POLE: variants seen among roughly 807,000 people sequenced by gnomAD.
The protein encoded by POLE is DNA polymerase epsilon catalytic subunit A.
A neutral mutation model predicts 279.2 loss-of-function variants in POLE; 188 were observed. That is an observed-to-expected ratio of 0.67 (90% CI 0.60 to 0.76). The LOEUF is 0.76. POLE is among the 30% of genes least tolerant of loss of function. The pLI is 0.00. For synonymous variants in POLE, 1,214 were observed against 1,172.5 expected (o/e 1.04, Z -0.72); for missense variants, 2,703 against 3,016.7 (o/e 0.90, Z 2.44).
chr12:132,627,287 A>G (rs976546025), intron 45 of POLE, among the ~76,000 whole-genome samples: 6 of 152,096 alleles, frequency 3.9e-5, no homozygotes, highest in Non-Finnish European at 5.9e-5. Flanking sequence ...ATCTCAAAAA[A>G]AAAAAAAGCT....
rs1338173513 is a variant in POLE at position 132,643,957 on chromosome 12, G to A, written c.4170C>T (p.Arg1390=). The A allele has an allele frequency of 6.2e-7, 1 of 1,613,500 alleles. No homozygotes were observed. Among genetic ancestry groups the A allele is most frequent in the African/African-American group, 1.3e-5 (1 of 74,914 alleles). ...CATAGAGATTGTAGACCATGTTGGA[G>A]CGAGGAAGGACCCGATTTACCTGGC... is the stretch of plus-strand genomic sequence containing the variant. ...SYRKVNRVLP[R]SNMVYNLYEY... Residue 1390 remains arginine (R), a synonymous_variant, in exon 33 of 49, where the codon CGC becomes CGT. Transcript: ENST00000320574.
rs1262321199 is a variant in POLE, at chr12:132,632,366, G to A, written c.6279C>T (p.Ser2093=). The change falls in exon 45 of 49, where the codon TCC becomes TCT. Residue 2093 remains serine, a synonymous_variant. Transcript: ENST00000320574. ...GGGCAGGGTTATTGAGCAGCAAGTG[G>A]GAACCGGGGAGGACAGGAAACATCT... ...LSEMFPVLPG[S]HLLLNNPALE... 1 of 1,614,184 alleles carries A rather than the reference G, an allele frequency of 6.2e-7. No individual in the cohort carries two copies. Among genetic ancestry groups the A allele is most frequent in the Admixed American group, 1.7e-5 (1 of 60,032 alleles).
intron 45 of POLE, among the ~76,000 whole-genome samples, chr12:132,630,639 T>A (rs1052351932): frequency 1.8e-4 from 27 of 152,100 alleles, no homozygotes; most frequent in African/African-American, 6.5e-4. Context: ...TAATCCCAGC[T>A]AACCAGGAGG....
At chr12:132,637,475 T>TA (rs1227311058) in intron 41 of POLE, among the ~76,000 whole-genome samples, 4 of 152,228 alleles carry the variant, frequency 2.6e-5, no homozygotes, top group Non-Finnish European at 2.9e-5. Context: ...CTTTGTCTTC[T>TA]ATTTAGATTT....
chr12:132,635,753 G>C, intron 42 of POLE, 139 bp downstream of exon 42: 1 of 796,748 alleles, frequency 1.3e-6, no homozygotes, highest in Non-Finnish European at 2.0e-6. Context: ...GTCCCTCCCC[G>C]TGTTCATGAG....
chr12:132,679,031 T>C (rs1161931102), intron 6 of POLE, among the ~76,000 whole-genome samples: 1 of 152,190 alleles, frequency 6.6e-6, no homozygotes, highest in African/African-American at 2.4e-5. Context: ...TTACTCAAGA[T>C]TTTCTCTTCC....
intron 29 of POLE, among the ~76,000 whole-genome samples, chr12:132,654,332 C>T (rs1201359833): frequency 6.6e-6 from 1 of 152,084 alleles, no homozygotes; most frequent in Non-Finnish European, 1.5e-5. Flanking sequence ...CTCTGCCTCC[C>T]TGAGAGCTGG....
At chr12:132,671,753 G>A (rs1205062460) in intron 16 of POLE, among the ~76,000 whole-genome samples, 3 of 149,352 alleles carry the variant, frequency 2.0e-5, no homozygotes, top group Non-Finnish European at 3.0e-5. Flanking sequence ...AAGAACTGGT[G>A]TCTCCCTCTC....
chr12:132,681,811 G>C (rs541097500), intron 1 of POLE, among the ~76,000 whole-genome samples: 32 of 152,304 alleles, frequency 2.1e-4, no homozygotes, highest in South Asian at 6.2e-4. Context: ...TGCCTCTTGG[G>C]ACACTAAAAA....
chr12:132,634,321 CCTCATCGTCCTCATTTTCCTG>C lies in POLE; in HGVS notation c.5848_5868del (p.Gln1950_Glu1956del), dbSNP rs1302016488. On this transcript the variant is annotated inframe_deletion, in exon 43 of 49. Transcript: ENST00000320574. The surrounding 1 kb of genome is among the most constrained non-coding windows in gnomAD (Gnocchi z 4.0). ...TCCTCCTCCTCCCCATCTCTTTCCT[CCTCATCGTCCTCATTTTCCTG>C]CTCATCCTCTGCTCCCCCTGCTTTC... 6.2e-7 allele frequency: 1 copy of C among 1,614,174 alleles called. No homozygotes were observed. The highest frequency in any genetic ancestry group is 8.5e-7 in the Non-Finnish European group (1 of 1,179,998).
rs1181787446 is a variant in POLE, at chr12:132,672,712, A to G, written c.1601T>C (p.Leu534Pro). The change falls in exon 15 of 49, where the codon CTG becomes CCG. Residue 534 changes from leucine (L) to proline (P), a missense_variant. Coordinates refer to ENST00000320574, the MANE Select transcript of POLE (RefSeq NM_006231.4). ...GCCCCCGACGTAGGTCTCAGAGTCCAGCACGTGTCCGTCGTCCGTCAGCTT... is the reference window on the plus strand; with the variant it reads ...GCCCCCGACGTAGGTCTCAGAGTCCGGCACGTGTCCGTCGTCCGTCAGCTT... ...FNKLTDDGHV[L>P]DSETYVGGHV... The G allele has an allele frequency of 6.2e-7, 1 of 1,614,192 alleles. No homozygotes were observed. Among genetic ancestry groups the G allele is most frequent in the Non-Finnish European group, 8.5e-7 (1 of 1,180,038 alleles).
intron 29 of POLE, among the ~76,000 whole-genome samples, chr12:132,656,240 C>T (rs112914615): frequency 0.022 from 3,319 of 152,240 alleles, 119 homozygotes; most frequent in African/African-American, 0.076. Context: ...TGCATTGTGC[C>T]ACTGCACTCC....
intron 25 of POLE, 135 bp downstream of exon 25, chr12:132,660,834 G>GT: frequency 1.6e-6 from 1 of 606,618 alleles, no homozygotes; most frequent in Non-Finnish European, 2.8e-6. Context: ...TGCTCAGGAG[G>GT]TCTTGGGATT....
chr12:132,635,575 GTCCA>G (rs1266281248), intron 42 of POLE, among the ~76,000 whole-genome samples: 1 of 152,246 alleles, frequency 6.6e-6, no homozygotes, highest in Non-Finnish European at 1.5e-5. Context: ...CCTCCCTGGT[GTCCA>G]TCCGCTGGAG....
Position 132,675,723 on chromosome 12 carries a change from A to T in POLE, c.1106+12T>A, listed in dbSNP as rs781673811. On this transcript the variant is annotated intron_variant, in intron 11 of 48. Transcript: ENST00000320574. This position sits in a 1 kb window ranked among gnomAD's most constrained non-coding sequence, Gnocchi z 4.3. Reference sequence around the variant, plus strand: ...TGCTGCCCAGTTACTCATAGAGAAGACACAGACTCACCAGTCAAAAAAGTC... The same window carrying T: ...TGCTGCCCAGTTACTCATAGAGAAGTCACAGACTCACCAGTCAAAAAAGTC... The T allele has an allele frequency of 8.1e-6, 13 of 1,610,978 alleles. No individual in the cohort carries two copies. The highest frequency in any genetic ancestry group is 1.1e-5 in the Non-Finnish European group (13 of 1,177,284).
chr12:132,672,070 G>A, intron 16 of POLE, 145 bp downstream of exon 16: 1 of 647,410 alleles, frequency 1.5e-6, no homozygotes, highest in South Asian at 1.8e-5. Context: ...TCACAACCAT[G>A]ACTGCCCTGT....
intron 45 of POLE, among the ~76,000 whole-genome samples, chr12:132,631,209 A>G (rs921576269): frequency 6.6e-6 from 1 of 152,244 alleles, no homozygotes; most frequent in African/African-American, 2.4e-5. Context: ...AGGCTGCACA[A>G]TGTCTCTACT....
Position 132,643,519 on chromosome 12 carries a change from C to A in POLE, c.4332G>T (p.Val1444=), listed in dbSNP as rs2042204426. Residue 1444 remains valine, a synonymous_variant, in exon 34 of 49, where the codon GTG becomes GTT. Transcript: ENST00000320574. ...LFRALVHLGC[V]CVVNKQLVRH... Reference sequence around the variant, plus strand: ...TCACCAGCTGTTTATTGACCACACACACACAGCCCAGGTGCACCAGGGCCC... The same window carrying A: ...TCACCAGCTGTTTATTGACCACACAAACACAGCCCAGGTGCACCAGGGCCC... 4 of 1,614,210 alleles carry A rather than the reference C, an allele frequency of 2.5e-6. No homozygotes were observed. The highest frequency in any genetic ancestry group is 1.3e-5 in the African/African-American group (1 of 75,070).
At chr12:132,644,059 G>A (rs2138564196) in intron 32 of POLE, 82 bp from the exon 33 acceptor site, 10 of 1,423,454 alleles carry the variant, frequency 7.0e-6, no homozygotes, top group Non-Finnish European at 9.3e-6. Context: ...ACGCTATTCG[G>A]AGTCCTAGAC....
Sources: gnomAD v4.1 joint callset for allele counts (sites outside exome capture counted in the v4.1 genomes callset) on GRCh38, gnomAD v4.1.1 for gene constraint, Gnocchi (gnomAD v3.1) non-coding constraint, MANE v1.5 for transcripts, NCBI Gene and HGNC (gene_info 2026-07-23, HGNC 2026-07-21) for gene names.